Variants in EXD3 observed in about 807,000 individuals in gnomAD.
The protein encoded by EXD3 is exonuclease 3'-5' domain containing 3, also known as exonuclease mut-7 homolog.
Under a neutral mutation model 98.0 loss-of-function variants are expected in EXD3, and 92 were observed. The ratio of observed to expected loss-of-function variants is 0.94; its 90% CI spans 0.79 to 1.12. The LOEUF is 1.12. EXD3 is among the 50% of genes most tolerant of loss of function. The probability of loss-of-function intolerance (pLI) is 0.00; values close to 1 mark genes in which losing one functional copy is unlikely to be tolerated. For synonymous variants in EXD3, 569 were observed against 526.0 expected (o/e 1.08, Z -1.12); for missense variants, 1,222 against 1,191.6 (o/e 1.03, Z -0.38).
Position 137,407,789 on chromosome 9 carries a change from G to C in EXD3, c.-47-12385C>G, listed in dbSNP as rs1000455402. 2.6e-5 allele frequency among the ~76,000 whole-genome samples: 4 copies of C among 151,888 alleles called. No homozygotes were observed. The highest frequency in any genetic ancestry group is 2.6e-4 in the Admixed American group (4 of 15,268). Reference sequence around the variant, plus strand: ...GGAGCCCACGGGTCCACAGGCATTCGAGGTCTTGGATGCGCCGGCTGGACC... The same window carrying C: ...GGAGCCCACGGGTCCACAGGCATTCCAGGTCTTGGATGCGCCGGCTGGACC... On this transcript the variant is annotated intron_variant, in intron 1 of 21. Coordinates refer to ENST00000340951, the MANE Select transcript of EXD3 (RefSeq NM_017820.5). The surrounding 1 kb of genome is among the most constrained non-coding windows in gnomAD (Gnocchi z 4.4).
chr9:137,398,996 C>T (rs1007520810), intron 1 of EXD3, among the ~76,000 whole-genome samples: 1 of 152,320 alleles, frequency 6.6e-6, no homozygotes, highest in African/African-American at 2.4e-5. Context: ...CCGTGACACG[C>T]GTCCAACATC....
chr9:137,362,200 A>G (rs547709896), intron 7 of EXD3, among the ~76,000 whole-genome samples: 24 of 152,244 alleles, frequency 1.6e-4, no homozygotes, highest in Non-Finnish European at 3.1e-4. Context: ...AAGTAAAAAT[A>G]TATTACAAGA....
At chr9:137,309,349 G>A (rs1056757550) in intron 20 of EXD3, among the ~76,000 whole-genome samples, 9 of 152,130 alleles carry the variant, frequency 5.9e-5, no homozygotes, top group African/African-American at 1.7e-4. Flanking sequence ...CCAGAGGGTC[G>A]CCAAGGGCCC....
At chr9:137,411,457 CGG>C in intron 1 of EXD3, among the ~76,000 whole-genome samples, 1 of 152,026 alleles carries the variant, frequency 6.6e-6, no homozygotes, top group East Asian at 1.9e-4. Context: ...GCGGGACCGG[CGG>C]GACCAACAGG....
chr9:137,352,800 G>A lies in EXD3; in HGVS notation c.871-14C>T, dbSNP rs748382667. 1 of 1,577,714 alleles carries A rather than the reference G, an allele frequency of 6.3e-7. No homozygotes were observed. The highest frequency in any genetic ancestry group is 1.3e-5 in the African/African-American group (1 of 74,206). On this transcript the variant is annotated splice_polypyrimidine_tract_variant and intron_variant, in intron 10 of 21. Coordinates refer to ENST00000340951, the MANE Select transcript of EXD3 (RefSeq NM_017820.5). Reference sequence around the variant, plus strand: ...CCCCACCAGGCCCTGTGAGGAGGGTGGCCGTGAGGATGGAGATGGGGACAT... The same window carrying A: ...CCCCACCAGGCCCTGTGAGGAGGGTAGCCGTGAGGATGGAGATGGGGACAT...
chr9:137,331,285 C>T (rs1038823582), intron 17 of EXD3, among the ~76,000 whole-genome samples: 15 of 151,984 alleles, frequency 9.9e-5, no homozygotes, highest in East Asian at 3.9e-4. Flanking sequence ...ATGACAAACC[C>T]GCAGCCAACA....
At chr9:137,416,548 C>T (rs1305463716) in intron 1 of EXD3, among the ~76,000 whole-genome samples, 2 of 151,680 alleles carry the variant, frequency 1.3e-5, no homozygotes, top group Non-Finnish European at 2.9e-5. Flanking sequence ...CCCGGGCAGG[C>T]ATCCGGACCC....
chr9:137,317,516 C>G (rs1831750442), intron 19 of EXD3, among the ~76,000 whole-genome samples: 1 of 152,094 alleles, frequency 6.6e-6, no homozygotes, highest in African/African-American at 2.4e-5. Flanking sequence ...TCCTCCATCC[C>G]CAGGGGCCAT....
intron 1 of EXD3, among the ~76,000 whole-genome samples, chr9:137,420,050 C>G (rs976346197): frequency 2.0e-5 from 3 of 151,972 alleles, no homozygotes; most frequent in African/African-American, 7.3e-5. Context: ...GTCCCAGCTA[C>G]TCGGGAGGCT....
chr9:137,337,855 T>G (rs1298240849), intron 17 of EXD3, among the ~76,000 whole-genome samples: 1 of 151,648 alleles, frequency 6.6e-6, no homozygotes, highest in East Asian at 2.0e-4. Flanking sequence ...TGACGCAATC[T>G]TGGCTCACTG....
intron 1 of EXD3, among the ~76,000 whole-genome samples, chr9:137,402,887 A>G (rs978782312): frequency 3.3e-5 from 5 of 152,226 alleles, no homozygotes; most frequent in Non-Finnish European, 7.3e-5. Context: ...TGGCAGCAAG[A>G]GAAAATGAGG....
intron 20 of EXD3, 128 bp from the exon 21 acceptor site, chr9:137,307,774 C>T: frequency 9.7e-7 from 1 of 1,034,762 alleles, no homozygotes; most frequent in Non-Finnish European, 1.4e-6. Context: ...TTCACACACC[C>T]CCCAGCCTTC....
At chr9:137,309,801 G>A (rs1831268819) in intron 19 of EXD3, 101 bp from the exon 20 acceptor site, 4 of 857,154 alleles carry the variant, frequency 4.7e-6, no homozygotes, top group Non-Finnish European at 7.5e-6. Context: ...CTGGCCATGG[G>A]GTTTCACAGA....
At chr9:137,367,685 C>T (rs1209339264) in intron 6 of EXD3, 6 of 459,254 alleles carry the variant, frequency 1.3e-5, no homozygotes, top group South Asian at 7.3e-5. Flanking sequence ...AGCTGCTGCA[C>T]GGAGCACACT....
intron 19 of EXD3, among the ~76,000 whole-genome samples, chr9:137,322,530 C>G (rs1483496163): frequency 3.3e-5 from 3 of 91,276 alleles, no homozygotes; most frequent in African/African-American, 1.4e-4. Context: ...ACGAGGGATG[C>G]TCTGCCGACA....
At position 137,349,556 on chromosome 9, in the gene EXD3, TA is replaced by T; in HGVS notation, c.1495-26del. 1 of 1,540,214 alleles carries T rather than the reference TA, an allele frequency of 6.5e-7. No homozygotes were observed. ...TCTGCTAAGACAGTGCCCTGCAGGG[TA>T]ACGCGTCTGGCCCTGGCGGCAGCAC... On this transcript the variant is annotated intron_variant, in intron 14 of 21. Transcript: ENST00000340951. This position sits in a 1 kb window ranked among gnomAD's most constrained non-coding sequence, Gnocchi z 7.4.
At chr9:137,383,268 C>T (rs912003266) in intron 3 of EXD3, 45 bp downstream of exon 3, 2 of 1,487,516 alleles carry the variant, frequency 1.3e-6, no homozygotes, top group Admixed American at 3.9e-5. Context: ...ACAGTCAGTT[C>T]TGCTGGCTGT....
intron 1 of EXD3, among the ~76,000 whole-genome samples, chr9:137,401,386 AC>A: frequency 6.6e-6 from 1 of 151,902 alleles, no homozygotes; most frequent in South Asian, 2.1e-4. Flanking sequence ...TGATCTCCTG[AC>A]CTTGTGATCT....
At chr9:137,325,584 C>A (rs1832355148) in intron 17 of EXD3, among the ~76,000 whole-genome samples, 1 of 152,088 alleles carries the variant, frequency 6.6e-6, no homozygotes, top group South Asian at 2.1e-4. Flanking sequence ...AGGCATGCAC[C>A]AGCACACCCA....
Sources: allele counts gnomAD v4.1 joint callset (sites outside exome capture counted in the v4.1 genomes callset), GRCh38; gene constraint gnomAD v4.1.1; non-coding constraint Gnocchi (gnomAD v3.1); transcripts MANE v1.5; gene names NCBI Gene and HGNC (gene_info 2026-07-23, HGNC 2026-07-21).